Variants in ST3GAL2 observed in about 807,000 individuals in gnomAD.
The protein encoded by ST3GAL2 is ST3 beta-galactoside alpha-2,3-sialyltransferase 2.
In ST3GAL2, 16 loss-of-function variants were observed where a neutral mutation model predicts 37.5. The observed-to-expected ratio is 0.43, with a 90% CI of 0.29 to 0.65. The LOEUF (loss-of-function observed/expected upper bound fraction) is 0.65. Ranked by LOEUF, ST3GAL2 falls within the 30% of genes least tolerant of loss-of-function variation. The pLI, the probability that ST3GAL2 is intolerant of heterozygous loss-of-function variation, is 0.17. For missense variants in ST3GAL2, 383 were observed against 487.8 expected (o/e 0.79, Z 2.02); for synonymous variants, 238 against 202.9 (o/e 1.17, Z -1.47).
At chr16:70,403,030 T>G (rs939467551) in intron 1 of ST3GAL2, among the ~76,000 whole-genome samples, 4 of 152,252 alleles carry the variant, frequency 2.6e-5, no homozygotes, top group African/African-American at 9.6e-5. Flanking sequence ...CATTTCGTAG[T>G]AAAATCTAAA....
Position 70,398,255 on chromosome 16 carries a change from G to T in ST3GAL2, c.276C>A (p.Asn92Lys). 1 of 1,613,466 alleles carries T rather than the reference G, an allele frequency of 6.2e-7. No homozygotes were observed. Among genetic ancestry groups the T allele is most frequent in the South Asian group, 1.1e-5 (1 of 91,092 alleles). The change falls in exon 2 of 7, where the codon AAC (asparagine) becomes AAA (lysine). Residue 92 changes from asparagine to lysine, a missense_variant. By Grantham distance (94) the Asn-to-Lys change is moderately conservative (BLOSUM62 0). This residue lies in a region of ST3GAL2 where 223 missense variants were observed against 239.1 expected (regional missense o/e 0.93). Coordinates refer to ENST00000342907, the MANE Select transcript of ST3GAL2 (RefSeq NM_006927.4). ...TCTCTCGGGTCCAGACGGGGGAAAT[G>T]TTACCGTCAAAGTGGCTGTCAAACC... Reference protein sequence around the residue: ...SDWFDSHFDGNISPVWTRENM... With the variant: ...SDWFDSHFDGKISPVWTRENM...
intron 1 of ST3GAL2, among the ~76,000 whole-genome samples, chr16:70,409,446 C>G (rs1301705011): frequency 6.6e-6 from 1 of 152,106 alleles, no homozygotes; most frequent in Non-Finnish European, 1.5e-5. Context: ...CAGGTTCAAG[C>G]AATTTTCCTG....
intron 1 of ST3GAL2, among the ~76,000 whole-genome samples, chr16:70,408,818 G>GTCAGTCT (rs1462672113): frequency 1.5e-5 from 2 of 129,754 alleles, no homozygotes; most frequent in Non-Finnish European, 3.1e-5. Flanking sequence ...GAAATAAACT[G>GTCAGTCT]TCAGTCTTCT....
At chr16:70,435,780 G>A (rs910776781) in intron 1 of ST3GAL2, among the ~76,000 whole-genome samples, 2 of 146,452 alleles carry the variant, frequency 1.4e-5, no homozygotes, top group African/African-American at 5.1e-5. Flanking sequence ...GGCAACAAGA[G>A]GGAAACCTCG....
intron 1 of ST3GAL2, among the ~76,000 whole-genome samples, chr16:70,424,550 G>A (rs941337469): frequency 2.6e-5 from 4 of 151,228 alleles, no homozygotes; most frequent in East Asian, 2.0e-4. Flanking sequence ...GCGGTGAGCC[G>A]AGATTGTGCC....
Position 70,381,656 on chromosome 16 carries a change from A to T in ST3GAL2, c.*33T>A. 1 of 1,605,934 alleles carries T rather than the reference A, an allele frequency of 6.2e-7. No individual in the cohort carries two copies. The highest frequency in any genetic ancestry group is 8.5e-7 in the Non-Finnish European group (1 of 1,175,776). ...CCGGGCCGGAGCCCCGGTGCCCGAT[A>T]GATGGGCCGGAAGGGTCGCGGCGAG... On this transcript the variant is annotated 3_prime_UTR_variant, in exon 7 of 7. Transcript: ENST00000342907.
intron 1 of ST3GAL2, among the ~76,000 whole-genome samples, chr16:70,426,629 A>C (rs973138676): frequency 6.6e-5 from 10 of 151,184 alleles, no homozygotes; most frequent in Admixed American, 4.0e-4. Context: ...CTCCTGCCTC[A>C]GCCTCCTGAG....
At chr16:70,411,012 A>G (rs971651711) in intron 1 of ST3GAL2, among the ~76,000 whole-genome samples, 1 of 152,084 alleles carries the variant, frequency 6.6e-6, no homozygotes, top group Non-Finnish European at 1.5e-5. Flanking sequence ...TTCACCAGGA[A>G]TTGGTTTGAG....
At chr16:70,423,493 G>C (rs1419492576) in intron 1 of ST3GAL2, among the ~76,000 whole-genome samples, 1 of 152,102 alleles carries the variant, frequency 6.6e-6, no homozygotes, top group Non-Finnish European at 1.5e-5. Flanking sequence ...CTGGGTGACA[G>C]AGAAAGACTC....
At chr16:70,431,824 C>T (rs1021423539) in intron 1 of ST3GAL2, among the ~76,000 whole-genome samples, 3 of 151,764 alleles carry the variant, frequency 2.0e-5, no homozygotes, top group Non-Finnish European at 2.9e-5. Flanking sequence ...ATTAGCCAGG[C>T]GTGGTGGCGG....
In ST3GAL2 at chr16:70,398,709, A is replaced by T. The variant is rs2151664040; in HGVS notation, c.-179T>A. 1.6e-6 allele frequency: 1 copy of T among 642,160 alleles called. No homozygotes were observed. Among genetic ancestry groups the T allele is most frequent in the East Asian group, 2.8e-5 (1 of 36,356 alleles). The allele number at this position is 642,160 out of a possible 1,614,324, so 39.8% of individuals were successfully genotyped here. ...GCCCTCCCTCATGTAGGGAGAACAC[A>T]CGTTGGCAGGAGTGGCTGTCCTGTC... On this transcript the variant is annotated 5_prime_UTR_variant, in exon 2 of 7. Coordinates refer to ENST00000342907, the MANE Select transcript of ST3GAL2 (RefSeq NM_006927.4).
intron 1 of ST3GAL2, among the ~76,000 whole-genome samples, chr16:70,420,214 T>C (rs570490814): frequency 6.6e-6 from 1 of 152,182 alleles, no homozygotes; most frequent in African/African-American, 2.4e-5. Context: ...CTTCTATAGT[T>C]TCTGCCAAGA....
intron 3 of ST3GAL2, among the ~76,000 whole-genome samples, chr16:70,389,413 G>A (rs928092646): frequency 6.6e-6 from 1 of 150,646 alleles, no homozygotes; most frequent in Admixed American, 6.6e-5. Flanking sequence ...AGGTTCAAGC[G>A]ATTCTCCTGC....
chr16:70,405,988 G>A (rs1567671732), intron 1 of ST3GAL2, among the ~76,000 whole-genome samples: 1 of 151,752 alleles, frequency 6.6e-6, no homozygotes, highest in Non-Finnish European at 1.5e-5. Flanking sequence ...GTGAACCCGG[G>A]AGGCAGAGCT....
rs1337625907 is a variant in ST3GAL2 at position 70,395,086 on chromosome 16, G to T, written c.429C>A (p.Phe143Leu). 1.2e-6 allele frequency: 2 copies of T among 1,613,896 alleles called. No homozygotes were observed. Among genetic ancestry groups the T allele is most frequent in the Non-Finnish European group, 8.5e-7 (1 of 1,179,990 alleles). The part of the protein sequence containing the change: ...QIVPGENPYR[F>L]RDPHQCRRCA... ...AGCGCCGGCACTGGTGGGGGTCCCG[G>T]AAGCGGTAGGGGTTCTCGCCAGGCA... Residue 143 changes from phenylalanine to leucine, a missense_variant, in exon 3 of 7, where the codon TTC becomes TTA. Phe to Leu is a conservative substitution (Grantham distance 22). Coordinates refer to ENST00000342907, the MANE Select transcript of ST3GAL2 (RefSeq NM_006927.4).
intron 1 of ST3GAL2, among the ~76,000 whole-genome samples, chr16:70,403,452 C>T (rs529700376): frequency 6.6e-6 from 1 of 152,040 alleles, no homozygotes; most frequent in Admixed American, 6.6e-5. Context: ...GAGGCCAAGG[C>T]GGGAGGATCA....
In ST3GAL2 at chr16:70,396,760, G is replaced by A. The variant is rs1309064385; in HGVS notation, c.339+1432C>T. ...CCCTTGCAGCTTGGGAGCCTGCAGGGACTCAGTGCTGACATGGCTCCACCC... is the reference window on the plus strand; with the variant it reads ...CCCTTGCAGCTTGGGAGCCTGCAGGAACTCAGTGCTGACATGGCTCCACCC... On this transcript the variant is annotated intron_variant, in intron 2 of 6. Transcript: ENST00000342907. 3.3e-5 allele frequency among the ~76,000 whole-genome samples: 5 copies of A among 152,152 alleles called. No homozygotes were observed. The South Asian group carries it at 1.0e-3, about 32-fold the overall frequency.
Position 70,388,351 on chromosome 16 carries a change from C to A in ST3GAL2, c.713+16G>T, listed in dbSNP as rs1378582139. ...TCCTGTCACCCATATTCTACCCAGG[C>A]CAGCAAGAAGCTCACAATCGGATCT... is the stretch of plus-strand genomic sequence containing the variant. On this transcript the variant is annotated intron_variant, in intron 4 of 6. Coordinates refer to ENST00000342907, the MANE Select transcript of ST3GAL2 (RefSeq NM_006927.4). 1 of 1,613,986 alleles carries A rather than the reference C, an allele frequency of 6.2e-7. No individual in the cohort carries two copies. The highest frequency in any genetic ancestry group is 8.5e-7 in the Non-Finnish European group (1 of 1,179,948).
At chr16:70,409,104 G>C (rs907519578) in intron 1 of ST3GAL2, among the ~76,000 whole-genome samples, 5 of 151,132 alleles carry the variant, frequency 3.3e-5, no homozygotes, top group African/African-American at 1.2e-4. Context: ...CCAGTATCTT[G>C]CTGTACCTAT....
Sources: gnomAD v4.1 joint callset for allele counts (sites outside exome capture counted in the v4.1 genomes callset) on GRCh38, gnomAD v4.1.1 for gene constraint, gnomAD v4.1.1 regional missense constraint, MANE v1.5 for transcripts, NCBI Gene and HGNC (gene_info 2026-07-23, HGNC 2026-07-21) for gene names.